The following CACNA2D2 variants were observed in gnomAD, a reference collection of about 807,000 sequenced individuals.
CACNA2D2 encodes the protein calcium voltage-gated channel auxiliary subunit alpha2delta 2.
CACNA2D2 carries 48 observed loss-of-function variants against 166.4 expected under a neutral mutation model. That is an observed-to-expected ratio of 0.29 (90% CI 0.23 to 0.37). The LOEUF (loss-of-function observed/expected upper bound fraction) is 0.37, where lower values mean the gene tolerates loss of function less well. Ranked by LOEUF, CACNA2D2 falls within the 10% of genes least tolerant of loss-of-function variation. The pLI is 1.00. For missense variants in CACNA2D2, 1,122 were observed against 1,433.0 expected (o/e 0.78, Z 3.50); for synonymous variants, 561 against 573.7 (o/e 0.98, Z 0.32).
rs1704004819 is a variant in CACNA2D2 at position 50,362,893 on chromosome 3, C to T, written c.*1773G>A. ...AAGGAATCACACACACGATATTTTA[C>T]AAAGTTTCTTGACTTTTTTGTCGCT... On this transcript the variant is annotated 3_prime_UTR_variant, in exon 38 of 38. Coordinates refer to ENST00000424201, the MANE Select transcript of CACNA2D2 (RefSeq NM_006030.4). 5 of 387,156 alleles carry T rather than the reference C, an allele frequency of 1.3e-5. No individual in the cohort carries two copies. The Admixed American group carries it at 1.8e-4, about 14-fold the overall frequency. 24.0% of individuals were successfully genotyped at this position (387,156 alleles called of 1,614,324 possible). A position where few individuals can be genotyped will look rare whatever the true frequency, so the allele number is the denominator to read the frequency against.
In CACNA2D2 at chr3:50,380,367, C is replaced by T. The variant is rs1003886803; in HGVS notation, c.843-349G>A. Among the ~76,000 whole-genome samples the T allele has an allele frequency of 1.3e-5, 2 of 152,092 alleles. No individual in the cohort carries two copies. Among genetic ancestry groups the T allele is most frequent in the East Asian group, 3.9e-4 (2 of 5,188 alleles). ...GCTGTGTATGGGATGGTGCAGGTGG[C>T]AGGGAAGGAGAGTCACAGGGAGCTG... On this transcript the variant is annotated intron_variant, in intron 8 of 37. Coordinates refer to ENST00000424201, the MANE Select transcript of CACNA2D2 (RefSeq NM_006030.4). The surrounding 1 kb of genome is among the most constrained non-coding windows in gnomAD (Gnocchi z 4.9).
intron 2 of CACNA2D2, among the ~76,000 whole-genome samples, chr3:50,464,349 C>T (rs1306223148): frequency 6.6e-6 from 1 of 152,204 alleles, no homozygotes; most frequent in Non-Finnish European, 1.5e-5. Flanking sequence ...TGAGTGTGCA[C>T]ATTCCTGGAG....
intron 2 of CACNA2D2, among the ~76,000 whole-genome samples, chr3:50,448,673 C>G (rs568274879): frequency 6.6e-6 from 1 of 152,222 alleles, no homozygotes; most frequent in South Asian, 2.1e-4. Flanking sequence ...TGCTCAAGTA[C>G]AGCACACAGT....
chr3:50,378,267 G>A lies in CACNA2D2; in HGVS notation c.1389+17C>T, dbSNP rs1284959397. On this transcript the variant is annotated intron_variant, in intron 14 of 37. Coordinates refer to ENST00000424201, the MANE Select transcript of CACNA2D2 (RefSeq NM_006030.4). Reference sequence around the variant, plus strand: ...GGGAAGCCAGGGGCTGGGAGGAGGGGCCTCCCCAAGTCTCACCTGTGTGTT... The same window carrying A: ...GGGAAGCCAGGGGCTGGGAGGAGGGACCTCCCCAAGTCTCACCTGTGTGTT... The A allele has an allele frequency of 1.3e-6, 2 of 1,553,622 alleles. No homozygotes were observed. Among genetic ancestry groups the A allele is most frequent in the Non-Finnish European group, 8.7e-7 (1 of 1,148,172 alleles).
At chr3:50,393,651 C>T (rs1705996093) in intron 4 of CACNA2D2, among the ~76,000 whole-genome samples, 1 of 152,238 alleles carries the variant, frequency 6.6e-6, no homozygotes, top group African/African-American at 2.4e-5. Context: ...CCCCTGAGCC[C>T]AGCCTGAGGG....
intron 1 of CACNA2D2, among the ~76,000 whole-genome samples, chr3:50,477,433 G>A (rs909685143): frequency 6.6e-6 from 1 of 152,184 alleles, no homozygotes; most frequent in Non-Finnish European, 1.5e-5. Flanking sequence ...CCTGGAAGAA[G>A]GAAGGAGTCT....
chr3:50,502,649 G>A (rs928443010), intron 1 of CACNA2D2, among the ~76,000 whole-genome samples: 1 of 152,236 alleles, frequency 6.6e-6, no homozygotes, highest in Non-Finnish European at 1.5e-5. Flanking sequence ...TCAGGTGGAG[G>A]GGGGCCAAGA....
At chr3:50,422,930 C>A (rs944902293) in intron 3 of CACNA2D2, among the ~76,000 whole-genome samples, 8 of 152,250 alleles carry the variant, frequency 5.3e-5, no homozygotes, top group Non-Finnish European at 1.2e-4. Flanking sequence ...ACGCGGCCAA[C>A]AGACCTGGTC....
intron 2 of CACNA2D2, among the ~76,000 whole-genome samples, chr3:50,448,626 A>G (rs2236977): frequency 0.13 from 19,649 of 152,076 alleles, 3,850 homozygotes; most frequent in African/African-American, 0.42. Flanking sequence ...GAACAAAGTA[A>G]GGTGCATGTG....
chr3:50,386,612 C>T (rs1253078671), intron 5 of CACNA2D2, among the ~76,000 whole-genome samples: 1 of 152,216 alleles, frequency 6.6e-6, no homozygotes, highest in Non-Finnish European at 1.5e-5. Flanking sequence ...TCTCCCAGGC[C>T]AGCCTGGCAC....
At position 50,379,487 on chromosome 3, in the gene CACNA2D2, T is replaced by C; in HGVS notation, c.1097A>G (p.Lys366Arg). ...GCCGGCCTTGTAGCCTGTGGTGCCC[T>C]TGGCCACCATGCCCTGCACAGCTTC... is the stretch of plus-strand genomic sequence containing the variant. ...FKEAVQGMVA[K>R]GTTGYKAGFE... Residue 366 changes from lysine to arginine, a missense_variant, in exon 11 of 38, where the codon AAG becomes AGG. By Grantham distance (26) the Lys-to-Arg change is conservative. Around this residue, in one of 2 missense-constraint regions of CACNA2D2, gnomAD observed 840 missense variants for 1,166.8 expected, o/e 0.72. Transcript: ENST00000424201. This position sits in a 1 kb window ranked among gnomAD's most constrained non-coding sequence, Gnocchi z 6.5. 1 of 1,613,986 alleles carries C rather than the reference T, an allele frequency of 6.2e-7. No homozygotes were observed. The highest frequency in any genetic ancestry group is 1.1e-5 in the South Asian group (1 of 91,082).
intron 6 of CACNA2D2, among the ~76,000 whole-genome samples, chr3:50,382,882 A>G (rs1039218978): frequency 1.1e-4 from 16 of 152,048 alleles, no homozygotes; most frequent in African/African-American, 3.9e-4. Flanking sequence ...CTGTGACCCC[A>G]CACGCGCTTA....
At chr3:50,501,226 T>C (rs1431422716) in intron 1 of CACNA2D2, among the ~76,000 whole-genome samples, 4 of 152,098 alleles carry the variant, frequency 2.6e-5, no homozygotes, top group African/African-American at 4.8e-5. Context: ...CCACTGGCCA[T>C]GGTCATGTGT....
chr3:50,484,000 T>C (rs983815747), intron 1 of CACNA2D2, among the ~76,000 whole-genome samples: 11 of 152,018 alleles, frequency 7.2e-5, no homozygotes, highest in Admixed American at 2.6e-4. Flanking sequence ...AGAACATCAG[T>C]CTTCAATGCC....
chr3:50,454,199 C>T (rs1709244933), intron 2 of CACNA2D2, among the ~76,000 whole-genome samples: 1 of 152,254 alleles, frequency 6.6e-6, no homozygotes, highest in Admixed American at 6.5e-5. Context: ...CTCCTCCTCC[C>T]TCTTGTGTCT....
intron 1 of CACNA2D2, among the ~76,000 whole-genome samples, chr3:50,480,741 C>A (rs1299865421): frequency 7.9e-6 from 1 of 126,184 alleles, no homozygotes; most frequent in Admixed American, 8.9e-5. Context: ...CTGGGGGAGG[C>A]TGCATGTCAA....
chr3:50,472,409 G>A (rs1341579886), intron 2 of CACNA2D2, among the ~76,000 whole-genome samples: 4 of 152,186 alleles, frequency 2.6e-5, no homozygotes, highest in Non-Finnish European at 5.9e-5. Flanking sequence ...AGGGTAGCCT[G>A]TGGCCTCCAA....
At chr3:50,402,913 G>A (rs1706512602) in intron 3 of CACNA2D2, among the ~76,000 whole-genome samples, 1 of 152,030 alleles carries the variant, frequency 6.6e-6, no homozygotes, top group African/African-American at 2.4e-5. Flanking sequence ...CTGGCTAGGG[G>A]AGCAGGGACA....
rs764020049 is a variant in CACNA2D2 at position 50,366,955 on chromosome 3, G to T, written c.2501-36C>A. ...GAGCAAGGGACCATCAGTGCTACCTGCCCAGGCAGTACCCTGTCCATTGCC... is the reference window on the plus strand; with the variant it reads ...GAGCAAGGGACCATCAGTGCTACCTTCCCAGGCAGTACCCTGTCCATTGCC... On this transcript the variant is annotated intron_variant, in intron 28 of 37. Coordinates refer to ENST00000424201, the MANE Select transcript of CACNA2D2 (RefSeq NM_006030.4). This position sits in a 1 kb window ranked among gnomAD's most constrained non-coding sequence, Gnocchi z 5.9. 2.5e-6 allele frequency: 4 copies of T among 1,612,524 alleles called. No individual in the cohort carries two copies. In the South Asian group the frequency reaches 3.3e-5, roughly 13 times the overall value.
Sources: allele counts gnomAD v4.1 joint callset (sites outside exome capture counted in the v4.1 genomes callset), GRCh38; gene constraint gnomAD v4.1.1; regional missense constraint gnomAD v4.1.1; non-coding constraint Gnocchi (gnomAD v3.1); transcripts MANE v1.5; gene names NCBI Gene and HGNC (gene_info 2026-07-23, HGNC 2026-07-21).